ZFHX3: variants seen among roughly 807,000 people sequenced by gnomAD.
The protein encoded by ZFHX3 is zinc finger homeobox 3, also known as zinc finger homeobox protein 3.
ZFHX3 carries 42 observed loss-of-function variants against 279.1 expected under a neutral mutation model. The ratio of observed to expected loss-of-function variants is 0.15; its 90% confidence interval spans 0.12 to 0.19. The LOEUF (loss-of-function observed/expected upper bound fraction) is 0.19. ZFHX3 is among the 10% of genes least tolerant of loss of function. The pLI is 1.00. For missense variants in ZFHX3, 4,981 were observed against 4,754.0 expected (o/e 1.05, Z -1.40); for synonymous variants, 2,293 against 1,957.8 (o/e 1.17, Z -4.52).
At chr16:73,424,776 A>AG (rs1555515788) in intron 3 of ZFHX3, among the ~76,000 whole-genome samples, 2 of 143,458 alleles carry the variant, frequency 1.4e-5, no homozygotes, top group Admixed American at 7.3e-5. Context: ...AAAAAAAAAA[A>AG]AGAGAAAGAA....
chr16:73,350,285 T>A (rs1008077158), intron 3 of ZFHX3, among the ~76,000 whole-genome samples: 1 of 152,156 alleles, frequency 6.6e-6, no homozygotes, highest in African/African-American at 2.4e-5. Flanking sequence ...ATAGCCTCAT[T>A]AGAAAATGCG....
chr16:73,376,808 T>C (rs929967374), intron 3 of ZFHX3, among the ~76,000 whole-genome samples: 3 of 152,176 alleles, frequency 2.0e-5, no homozygotes, highest in African/African-American at 7.2e-5. Flanking sequence ...GATTTCTCTG[T>C]CTTGATAATT....
intron 7 of ZFHX3, among the ~76,000 whole-genome samples, chr16:73,099,759 G>A (rs548282889): frequency 6.6e-6 from 1 of 151,122 alleles, no homozygotes; most frequent in East Asian, 1.9e-4. Context: ...TGTGTGTCCT[G>A]CTCTCAGGAG....
chr16:73,405,412 A>T (rs1337082135), intron 3 of ZFHX3, among the ~76,000 whole-genome samples: 1 of 152,196 alleles, frequency 6.6e-6, no homozygotes, highest in Non-Finnish European at 1.5e-5. Context: ...AACAGAACCC[A>T]GATCTAATGA....
chr16:73,147,598 A>C (rs533053822), intron 5 of ZFHX3, among the ~76,000 whole-genome samples: 17 of 145,750 alleles, frequency 1.2e-4, no homozygotes, highest in East Asian at 2.1e-4. Flanking sequence ...AGGCTGAGGC[A>C]GGAGAATGGC....
At chr16:73,480,441 C>A (rs2018844932) in intron 2 of ZFHX3, among the ~76,000 whole-genome samples, 1 of 152,176 alleles carries the variant, frequency 6.6e-6, no homozygotes, top group Non-Finnish European at 1.5e-5. Flanking sequence ...CCTCACCTCC[C>A]CTATTTTTAA....
At chr16:73,105,408 T>TAA (rs1966288078) in intron 7 of ZFHX3, among the ~76,000 whole-genome samples, 1 of 82,780 alleles carries the variant, frequency 1.2e-5, no homozygotes, top group Non-Finnish European at 2.6e-5. Context: ...TATATATATA[T>TAA]ACACACACAC....
intron 2 of ZFHX3, among the ~76,000 whole-genome samples, chr16:73,669,111 T>C (rs2052875973): frequency 6.6e-6 from 1 of 151,924 alleles, no homozygotes; most frequent in African/African-American, 2.4e-5. Flanking sequence ...TGGAGTGCAG[T>C]GGTGCGATCT....
At chr16:73,726,804 C>T (rs2053522695) in intron 1 of ZFHX3, among the ~76,000 whole-genome samples, 1 of 152,202 alleles carries the variant, frequency 6.6e-6, no homozygotes, top group African/African-American at 2.4e-5. Context: ...CCACCTCCCA[C>T]CAGGCCCTAC....
At chr16:72,859,566 A>G (rs1242164177) in intron 4 of ZFHX3, among the ~76,000 whole-genome samples, 2 of 152,234 alleles carry the variant, frequency 1.3e-5, no homozygotes, top group African/African-American at 2.4e-5. Flanking sequence ...TCTCCCATAG[A>G]GGGAAATAAA....
intron 5 of ZFHX3, among the ~76,000 whole-genome samples, chr16:73,172,987 TGTTTTTTTGTTTTTTTTTTTG>T (rs1567409532): frequency 1.5e-5 from 1 of 68,050 alleles, no homozygotes; most frequent in Non-Finnish European, 2.7e-5. Context: ...CTGATGGGAC[TGTTTTTTTGTTTTTTTTTTTG>T]TTTTTTTTTT....
At chr16:73,237,127 G>C (rs556254230) in intron 5 of ZFHX3, among the ~76,000 whole-genome samples, 1 of 152,284 alleles carries the variant, frequency 6.6e-6, no homozygotes, top group African/African-American at 2.4e-5. Flanking sequence ...ACTTGCCTAA[G>C]GTTGAAAGAT....
At chr16:73,645,236 A>T (rs2052607498) in intron 2 of ZFHX3, among the ~76,000 whole-genome samples, 1 of 152,134 alleles carries the variant, frequency 6.6e-6, no homozygotes, top group African/African-American at 2.4e-5. Context: ...CATTTAAAGG[A>T]CCATCTTTTT....
chr16:73,020,486 G>A (rs1258701635), intron 1 of ZFHX3, among the ~76,000 whole-genome samples: 1 of 152,124 alleles, frequency 6.6e-6, no homozygotes, highest in African/African-American at 2.4e-5. Flanking sequence ...TCACCATATG[G>A]GACAGCTTCT....
intron 1 of ZFHX3, among the ~76,000 whole-genome samples, chr16:73,031,889 C>T (rs751356777): frequency 1.3e-5 from 2 of 151,982 alleles, no homozygotes; most frequent in Non-Finnish European, 2.9e-5. Flanking sequence ...ACTGAGATTT[C>T]AGAGGGAAGG....
At chr16:73,661,723 G>GAAAAAA (rs112763443) in intron 2 of ZFHX3, among the ~76,000 whole-genome samples, 1 of 56,820 alleles carries the variant, frequency 1.8e-5, no homozygotes, top group Non-Finnish European at 3.9e-5. Flanking sequence ...CTCCATCTCA[G>GAAAAAA]AAAAAAAAAA....
At chr16:73,058,534 T>TTGCTTCTCCGGCGGCGGCGGC (rs1358316535) in exon 1 of ZFHX3, 2 of 143,758 alleles carry the variant, frequency 1.4e-5, no homozygotes, top group African/African-American at 5.8e-5. Context: ...ACTTACGCGG[T>TTGCTTCTCCGGCGGCGGCGGC]TGCTTCTCCG....
intron 7 of ZFHX3, among the ~76,000 whole-genome samples, chr16:73,115,377 C>CAAAAA (rs10685277): frequency 1.9e-4 from 15 of 80,622 alleles, no homozygotes; most frequent in African/African-American, 5.3e-4. Context: ...CCTATCTCTA[C>CAAAAA]AAAAAAAAAA....
At chr16:73,496,725 C>T (rs1301933142) in intron 2 of ZFHX3, among the ~76,000 whole-genome samples, 1 of 152,066 alleles carries the variant, frequency 6.6e-6, no homozygotes, top group Non-Finnish European at 1.5e-5. Flanking sequence ...CCAGTGCAAA[C>T]TATATTTCCC....
Sources: allele counts gnomAD v4.1 joint callset (sites outside exome capture counted in the v4.1 genomes callset), GRCh38; gene constraint gnomAD v4.1.1; transcripts MANE v1.5; gene names NCBI Gene and HGNC (gene_info 2026-07-23, HGNC 2026-07-21).